CHUK: variants seen among roughly 807,000 people sequenced by gnomAD.
CHUK encodes inhibitor of nuclear factor kappa-B kinase subunit alpha.
CHUK carries 35 observed loss-of-function variants against 104.8 expected under a neutral mutation model. The ratio of observed to expected loss-of-function variants is 0.33; its 90% CI spans 0.26 to 0.44. The LOEUF (loss-of-function observed/expected upper bound fraction) is 0.44, where lower values mean the gene tolerates loss of function less well. CHUK is among the 20% of genes least tolerant of loss of function. The pLI, the probability that CHUK is intolerant of heterozygous loss-of-function variation, is 1.00. For missense variants in CHUK, 663 were observed against 902.7 expected (o/e 0.73, Z 3.40); for synonymous variants, 276 against 291.9 (o/e 0.95, Z 0.56).
At chr10:100,222,806 G>A in intron 3 of CHUK, 60 bp downstream of exon 3, 1 of 841,588 alleles carries the variant, frequency 1.2e-6, no homozygotes, top group Non-Finnish European at 2.1e-6. Context: ...TATTTAACAT[G>A]ATTCAAACAT....
chr10:100,223,682 C>T lies in CHUK; in HGVS notation c.201-702G>A, dbSNP rs562482818. On this transcript the variant is annotated intron_variant, in intron 2 of 20. Coordinates refer to ENST00000370397, the MANE Select transcript of CHUK (RefSeq NM_001278.5). Reference sequence around the variant, plus strand: ...TACATGTAGGACCTGATAATTTATACTATTAAGCTTTCCTGGTGATTCTGC... The same window carrying T: ...TACATGTAGGACCTGATAATTTATATTATTAAGCTTTCCTGGTGATTCTGC... Among the ~76,000 whole-genome samples, 6 of 152,094 alleles carry T rather than the reference C, an allele frequency of 3.9e-5. No homozygotes were observed. In the East Asian group the frequency reaches 7.7e-4, roughly 20 times the overall value.
chr10:100,207,367 A>G (rs1254613870), intron 10 of CHUK, 35 bp from the exon 11 acceptor site: 1 of 1,038,620 alleles, frequency 9.6e-7, no homozygotes, highest in Non-Finnish European at 1.5e-6. Context: ...ATCCTGTTCA[A>G]GGATCTTTGA....
rs374991603 is a variant in CHUK at position 100,204,528 on chromosome 10, G to T, written c.1485C>A (p.Ser495Arg). ...KSIQLDLERY[S>R]EQMTYGISSE... ...TACATATCCCATACGTCATCTGCTC[G>T]CTGTATCTCTCCAAGTCAAGCTGAA... Residue 495 changes from serine (S) to arginine (R), a missense_variant, in exon 13 of 21, where the codon AGC becomes AGA. Ser to Arg is a moderately radical substitution (Grantham distance 110). This residue lies in a region of CHUK where 311 missense variants were observed against 393.4 expected (regional missense o/e 0.79). Transcript: ENST00000370397. 2 of 1,613,346 alleles carry T rather than the reference G, an allele frequency of 1.2e-6. No homozygotes were observed. Among genetic ancestry groups the T allele is most frequent in the African/African-American group, 2.7e-5 (2 of 74,890 alleles).
In CHUK at chr10:100,219,152, T is replaced by C; in HGVS notation, c.565-20A>G. 1 of 1,612,328 alleles carries C rather than the reference T, an allele frequency of 6.2e-7. No individual in the cohort carries two copies. The highest frequency in any genetic ancestry group is 8.5e-7 in the Non-Finnish European group (1 of 1,178,422). On this transcript the variant is annotated intron_variant, in intron 6 of 20. Transcript: ENST00000370397. ...TGGGGCCTTCAAAAGAGAAAATGCT[T>C]TAAACACCAACACTGTATGGGAAAA...
At chr10:100,191,062 G>T in intron 19 of CHUK, 94 bp from the exon 20 acceptor site, 1 of 811,458 alleles carries the variant, frequency 1.2e-6, no homozygotes, top group Non-Finnish European at 2.2e-6. Context: ...AAGATCACTA[G>T]CCTTCCTGTA....
At chr10:100,201,809 T>G (rs965818789) in intron 14 of CHUK, among the ~76,000 whole-genome samples, 2 of 152,102 alleles carry the variant, frequency 1.3e-5, no homozygotes, top group Non-Finnish European at 2.9e-5. Flanking sequence ...GCTTTGATCA[T>G]GCCACTACAC....
intron 15 of CHUK, 24 bp downstream of exon 15, chr10:100,200,647 C>T (rs1232472813): frequency 9.3e-7 from 1 of 1,073,972 alleles, no homozygotes; most frequent in Admixed American, 1.7e-5. Context: ...GATGTCAAGA[C>T]CAACAACACA....
Position 100,209,579 on chromosome 10 carries a change from T to C in CHUK, c.1128+16A>G. On this transcript the variant is annotated intron_variant, in intron 10 of 20. Coordinates refer to ENST00000370397, the MANE Select transcript of CHUK (RefSeq NM_001278.5). ...GATTTCACATACTCTAGGGATATTATAATTAATTTTCTTACAACTCCATCT... is the reference window on the plus strand; with the variant it reads ...GATTTCACATACTCTAGGGATATTACAATTAATTTTCTTACAACTCCATCT... 1 of 1,483,948 alleles carries C rather than the reference T, an allele frequency of 6.7e-7. No individual in the cohort carries two copies. Among genetic ancestry groups the C allele is most frequent in the Non-Finnish European group, 9.4e-7 (1 of 1,061,498 alleles). The allele number at this position is 1,483,948 out of a possible 1,614,324, so 91.9% of individuals were successfully genotyped here. A position where few individuals can be genotyped will look rare whatever the true frequency, so the allele number is the denominator to read the frequency against.
At position 100,189,541 on chromosome 10, in the gene CHUK, T is replaced by C; in HGVS notation, c.*57A>G. 1 of 1,441,908 alleles carries C rather than the reference T, an allele frequency of 6.9e-7. No homozygotes were observed. Among genetic ancestry groups the C allele is most frequent in the Non-Finnish European group, 9.8e-7 (1 of 1,022,868 alleles). 89.3% of individuals were successfully genotyped at this position (1,441,908 alleles called of 1,614,324 possible). On this transcript the variant is annotated 3_prime_UTR_variant, in exon 21 of 21. Transcript: ENST00000370397. ...ATGGTTTCATGGGGGAAAAACACAT[T>C]TCCAACATGTATAGCAACAACTTCC...
intron 9 of CHUK, among the ~76,000 whole-genome samples, chr10:100,213,486 CAA>C (rs112195586): frequency 0.079 from 9,930 of 125,746 alleles, 526 homozygotes; most frequent in African/African-American, 0.16. Context: ...ACTCTTATCT[CAA>C]AAAAAAAAAA....
intron 9 of CHUK, among the ~76,000 whole-genome samples, chr10:100,216,638 A>G (rs962778518): frequency 2.6e-5 from 4 of 152,238 alleles, no homozygotes; most frequent in African/African-American, 9.6e-5. Context: ...CAGGGGTTGC[A>G]GACTAAAGTG....
intron 2 of CHUK, 40 bp from the exon 3 acceptor site, chr10:100,223,020 T>A (rs1450621020): frequency 9.3e-7 from 1 of 1,073,284 alleles, no homozygotes; most frequent in East Asian, 2.4e-5. Flanking sequence ...AAAAATTATT[T>A]CCAATAAAAA....
At chr10:100,196,115 A>G (rs566130212) in intron 16 of CHUK, among the ~76,000 whole-genome samples, 6 of 152,148 alleles carry the variant, frequency 3.9e-5, no homozygotes, top group Non-Finnish European at 7.3e-5. Context: ...AGAAATATTG[A>G]TTAAAGAAAA....
chr10:100,187,306 G>A (rs1338722537), downstream of CHUK: 1 of 152,222 alleles, frequency 6.6e-6, no homozygotes, highest in African/African-American at 2.4e-5. Context: ...GTGGAAGTAA[G>A]AAGAGGTAAA....
chr10:100,191,963 C>CA (rs1845216161), intron 19 of CHUK, among the ~76,000 whole-genome samples: 1 of 152,058 alleles, frequency 6.6e-6, no homozygotes, highest in South Asian at 2.1e-4. Context: ...TACTAAAATA[C>CA]AAAAATTAGC....
At position 100,193,671 on chromosome 10, in the gene CHUK, A is replaced by G. The variant is rs1188239327; in HGVS notation, c.1975-240T>C. ...CTTATACCATTTTAGTTGAAGAAAGAAAAAAAAAACCCAGTTGAATAGATG... is the reference window on the plus strand; with the variant it reads ...CTTATACCATTTTAGTTGAAGAAAGGAAAAAAAAACCCAGTTGAATAGATG... On this transcript the variant is annotated intron_variant, in intron 18 of 20. Transcript: ENST00000370397. The G allele has an allele frequency of 2.8e-5, 16 of 564,454 alleles. No homozygotes were observed. The East Asian group carries it at 5.0e-4, about 18-fold the overall frequency. 35.0% of individuals were successfully genotyped at this position (564,454 alleles called of 1,614,324 possible).
chr10:100,190,202 T>G (rs1489397482), intron 20 of CHUK: 1 of 154,254 alleles, frequency 6.5e-6, no homozygotes, highest in Non-Finnish European at 1.4e-5. Context: ...TTATATTTTT[T>G]ATAAAGACAG....
Position 100,192,113 on chromosome 10 carries a change from G to A in CHUK, c.2109-1145C>T, listed in dbSNP as rs143508740. On this transcript the variant is annotated intron_variant, in intron 19 of 20. Transcript: ENST00000370397. ...AGCCTGGGCGACAGAATGAGACTCCGTCTCAAAACAAAATATAATGTGTTC... is the reference window on the plus strand; with the variant it reads ...AGCCTGGGCGACAGAATGAGACTCCATCTCAAAACAAAATATAATGTGTTC... 9.1e-4 allele frequency among the ~76,000 whole-genome samples: 138 copies of A among 152,262 alleles called. 3 individuals carry two copies. In the East Asian group the frequency reaches 0.02, roughly 22 times the overall value.
intron 17 of CHUK, 26 bp from the exon 18 acceptor site, chr10:100,194,157 C>T: frequency 1.2e-6 from 2 of 1,611,910 alleles, no homozygotes; most frequent in Non-Finnish European, 1.7e-6. Flanking sequence ...CAGTGTCAGA[C>T]ACTTTCACAT....
Sources: allele counts gnomAD v4.1 joint callset (sites outside exome capture counted in the v4.1 genomes callset), GRCh38; gene constraint gnomAD v4.1.1; regional missense constraint gnomAD v4.1.1; transcripts MANE v1.5; gene names NCBI Gene and HGNC (gene_info 2026-07-23, HGNC 2026-07-21).